C16orf96: variants seen among roughly 807,000 people sequenced by gnomAD.
C16orf96 encodes the protein uncharacterized protein C16orf96.
C16orf96 carries 108 observed loss-of-function variants against 103.6 expected under a neutral mutation model. That is an observed-to-expected ratio of 1.04 (90% CI 0.89 to 1.22). C16orf96 has a LOEUF of 1.22. C16orf96 is among the 50% of genes most tolerant of loss of function. The pLI is 0.00. For missense variants in C16orf96, 1,586 were observed against 1,464.2 expected (o/e 1.08, Z -1.36); for synonymous variants, 566 against 593.5 (o/e 0.95, Z 0.67).
chr16:4,563,214 G>A (rs2059350945), intron 1 of C16orf96: 2 of 589,154 alleles, frequency 3.4e-6, no homozygotes, highest in African/African-American at 1.9e-5. Context: ...GGCTCTAGCA[G>A]TGGAACACCC....
intron 15 of C16orf96, among the ~76,000 whole-genome samples, 167 bp downstream of exon 15, chr16:4,599,531 C>T (rs1023262997): frequency 1.3e-5 from 2 of 152,204 alleles, no homozygotes; most frequent in African/African-American, 2.4e-5. Context: ...TTCCTGGCCC[C>T]GGTGCCATCC....
chr16:4,551,791 G>A (rs1253748339), upstream of C16orf96, among the ~76,000 whole-genome samples: 1 of 152,124 alleles, frequency 6.6e-6, no homozygotes. Context: ...TGTGCTGAAT[G>A]TGCAGGTTTG....
chr16:4,583,869 G>T (rs1896850065), intron 7 of C16orf96, among the ~76,000 whole-genome samples: 2 of 140,684 alleles, frequency 1.4e-5, no homozygotes, highest in Admixed American at 1.6e-4. Flanking sequence ...AGGCTGCAGT[G>T]AGCCAAGATC....
chr16:4,542,469 C>T, the C16orf96 span, among the ~76,000 whole-genome samples: 1 of 152,088 alleles, frequency 6.6e-6, no homozygotes, highest in Non-Finnish European at 1.5e-5. Context: ...ACATTTAACT[C>T]AATATATGCA....
At chr16:4,599,767 C>CAGAGG in intron 15 of C16orf96, among the ~76,000 whole-genome samples, 1 of 152,376 alleles carries the variant, frequency 6.6e-6, no homozygotes, top group Middle Eastern at 3.4e-3. Context: ...GAGGAGGGAG[C>CAGAGG]AGAGGCTCGG....
At chr16:4,563,312 C>T (rs958802123) in intron 1 of C16orf96, among the ~76,000 whole-genome samples, 12 of 151,608 alleles carry the variant, frequency 7.9e-5, no homozygotes, top group Middle Eastern at 3.5e-3. Context: ...TGCAGTGGCT[C>T]GATCTCAGCT....
At chr16:4,587,529 C>CA (rs59504956) in intron 8 of C16orf96, among the ~76,000 whole-genome samples, 15,428 of 118,086 alleles carry the variant, frequency 0.13, 987 homozygotes, top group South Asian at 0.2. Flanking sequence ...AACTCTGTCT[C>CA]AAAAAAAAAA....
chr16:4,559,396 A>G (rs558973765), intron 1 of C16orf96, among the ~76,000 whole-genome samples: 1 of 151,394 alleles, frequency 6.6e-6, no homozygotes, highest in South Asian at 2.1e-4. Flanking sequence ...TAAAAATAAA[A>G]AAAAATTAGC....
Position 4,594,757 on chromosome 16 carries a change from C to T in C16orf96, c.3081C>T (p.Asn1027=), listed in dbSNP as rs142851729. The T allele has an allele frequency of 2.6e-6, 4 of 1,551,068 alleles. No individual in the cohort carries two copies. Among genetic ancestry groups the T allele is most frequent in the African/African-American group, 2.7e-5 (2 of 73,150 alleles). Residue 1027 remains asparagine, a synonymous_variant, in exon 14 of 16, where the codon AAC becomes AAT. Transcript: ENST00000444310. The part of the protein sequence containing the change: ...VDGILYKGRV[N]SQRGAQPLAV... ...GGATCCTGTACAAAGGCCGCGTGAA[C>T]AGCCAGCGTGGGGCTCAGCCCTTGG...
upstream of C16orf96, among the ~76,000 whole-genome samples, chr16:4,555,947 C>A (rs1399668104): frequency 6.6e-6 from 1 of 151,994 alleles, no homozygotes; most frequent in Non-Finnish European, 1.5e-5. Flanking sequence ...AGTCCTCCCG[C>A]CTTTGCCTCC....
chr16:4,578,090 A>C (rs1016205527), intron 5 of C16orf96, among the ~76,000 whole-genome samples: 6 of 152,154 alleles, frequency 3.9e-5, no homozygotes, highest in Non-Finnish European at 8.8e-5. Context: ...AGCCTGGGCA[A>C]CAGAGTGAGA....
rs112954709 is a variant in C16orf96, at chr16:4,580,918, A to G, written c.2352+793A>G. ...GGTGGGCGGATCATCTGAGATCGGG[A>G]GTTCGAGACCAGCCTGACCAACATG... On this transcript the variant is annotated intron_variant, in intron 7 of 15. Coordinates refer to ENST00000444310, the MANE Select transcript of C16orf96 (RefSeq NM_001145011.2). 8.7e-3 allele frequency among the ~76,000 whole-genome samples: 1,325 copies of G among 151,838 alleles called. 21 individuals are homozygous for G. Among genetic ancestry groups the G allele is most frequent in the African/African-American group, 0.029 (1,190 of 41,428 alleles).
intron 1 of C16orf96, among the ~76,000 whole-genome samples, chr16:4,557,365 A>G (rs918550113): frequency 6.6e-6 from 1 of 152,076 alleles, no homozygotes; most frequent in African/African-American, 2.4e-5. Flanking sequence ...CACAACCAAA[A>G]CGCCAAGCTT....
intron 2 of C16orf96, 151 bp from the exon 3 acceptor site, chr16:4,574,558 T>A: frequency 3.1e-6 from 2 of 642,676 alleles, no homozygotes; most frequent in Non-Finnish European, 5.5e-6. Flanking sequence ...CCAAACTTGT[T>A]TGCCCATGGA....
intron 7 of C16orf96, among the ~76,000 whole-genome samples, chr16:4,583,325 G>A (rs1189966309): frequency 6.6e-6 from 1 of 151,564 alleles, no homozygotes; most frequent in East Asian, 1.9e-4. Flanking sequence ...ATACGGCAAG[G>A]CCCCATCGCT....
At position 4,591,751 on chromosome 16, in the gene C16orf96, G is replaced by A. The variant is rs1897064239; in HGVS notation, c.2678G>A (p.Arg893Lys). 1.3e-6 allele frequency: 2 copies of A among 1,551,700 alleles called. No homozygotes were observed. The highest frequency in any genetic ancestry group is 1.7e-6 in the Non-Finnish European group (2 of 1,146,994). ...IVRKLLIEGL[R>K]LDPDSAAGFR... is the part of the protein sequence containing the mutation. ...CGGAAGCTGCTGATTGAGGGCTTAA[G>A]ACTGGATCCTGACAGTGCTGCTGGC... Residue 893 changes from arginine to lysine, a missense_variant, in exon 10 of 16, where the codon AGA (arginine) becomes AAA (lysine). Coordinates refer to ENST00000444310, the MANE Select transcript of C16orf96 (RefSeq NM_001145011.2).
chr16:4,541,831 G>A, the C16orf96 span, among the ~76,000 whole-genome samples: 5 of 152,314 alleles, frequency 3.3e-5, no homozygotes, highest in South Asian at 1.0e-3. Context: ...TATTAACTAA[G>A]TTGCCTTTAA....
chr16:4,593,221 C>T lies in C16orf96; in HGVS notation c.2775-3C>T, dbSNP rs1320209378. 6.4e-7 allele frequency: 1 copy of T among 1,551,014 alleles called. No individual in the cohort carries two copies. The highest frequency in any genetic ancestry group is 8.7e-7 in the Non-Finnish European group (1 of 1,146,746). Reference sequence around the variant, plus strand: ...CCCCTGCTGTGCCCTTGTCCTCCAACAGACAGCTGATCACCATCCGCAAAG... The same window carrying T: ...CCCCTGCTGTGCCCTTGTCCTCCAATAGACAGCTGATCACCATCCGCAAAG... On this transcript the variant is annotated splice_polypyrimidine_tract_variant and splice_region_variant and intron_variant, in intron 11 of 15. Coordinates refer to ENST00000444310, the MANE Select transcript of C16orf96 (RefSeq NM_001145011.2). This position sits in a 1 kb window ranked among gnomAD's most constrained non-coding sequence, Gnocchi z 4.2.
Position 4,556,462 on chromosome 16 carries a change from C to T in C16orf96, c.-28C>T. 12 of 1,496,240 alleles carry T rather than the reference C, an allele frequency of 8.0e-6. No homozygotes were observed. The highest frequency in any genetic ancestry group is 1.3e-5 in the South Asian group (1 of 76,036). 92.7% of individuals were successfully genotyped at this position (1,496,240 alleles called of 1,614,324 possible). A position where few individuals can be genotyped will look rare whatever the true frequency, so the allele number is the denominator to read the frequency against. On this transcript the variant is annotated 5_prime_UTR_variant, in exon 1 of 16. Coordinates refer to ENST00000444310, the MANE Select transcript of C16orf96 (RefSeq NM_001145011.2). ...CCTTGTCCTTGAGGACACCTGGAAC[C>T]CCAGCCCCACTGACCCACCCTGGCA... is the stretch of plus-strand genomic sequence containing the variant.
Sources: gnomAD v4.1 joint callset for allele counts (sites outside exome capture counted in the v4.1 genomes callset) on GRCh38, gnomAD v4.1.1 for gene constraint, Gnocchi (gnomAD v3.1) non-coding constraint, MANE v1.5 for transcripts, NCBI Gene and HGNC (gene_info 2026-07-23, HGNC 2026-07-21) for gene names.